Variants in SP4 observed in about 807,000 individuals in gnomAD.
The protein encoded by SP4 is transcription factor Sp4.
Under a neutral mutation model 72.8 loss-of-function variants are expected in SP4, and 19 were observed. The observed-to-expected ratio is 0.26, with a 90% CI of 0.18 to 0.38. The LOEUF is 0.38. SP4 is among the 10% of genes least tolerant of loss of function. SP4 has a pLI of 1.00. For missense variants in SP4, 1,008 were observed against 926.3 expected (o/e 1.09, Z -1.14); for synonymous variants, 395 against 333.1 (o/e 1.19, Z -2.02).
chr7:21,430,749 A>C lies in SP4; in HGVS notation c.1584A>C (p.Ala528=). 6.2e-7 allele frequency: 1 copy of C among 1,614,214 alleles called. No homozygotes were observed. Among genetic ancestry groups the C allele is most frequent in the Non-Finnish European group, 8.5e-7 (1 of 1,180,044 alleles). Residue 528 remains alanine (A), a synonymous_variant, in exon 3 of 6, where the codon GCA becomes GCC. Coordinates refer to ENST00000222584, the MANE Select transcript of SP4 (RefSeq NM_003112.5). ...APITLNTAQL[A]SVPNLQTVSV... ...TAACTTTGAATACTGCCCAGCTTGC[A>C]TCAGTGCCTAACCTTCAGACAGTGA...
In SP4 at chr7:21,489,488, A is replaced by T. The variant is rs1429759703; in HGVS notation, c.2107+7365A>T. On this transcript the variant is annotated intron_variant, in intron 5 of 5. Coordinates refer to ENST00000222584, the MANE Select transcript of SP4 (RefSeq NM_003112.5). ...AGGCCTACACCACTACACCTAGCTA[A>T]TTTTTTTTTTTTTTTAAAGGTGGGT... Among the ~76,000 whole-genome samples, 91 of 135,404 alleles carry T rather than the reference A, an allele frequency of 6.7e-4. No homozygotes were observed. In the South Asian group the frequency reaches 9.3e-3, roughly 14 times the overall value. The allele number at this position is 135,404 out of a possible 152,430, so 88.8% of individuals were successfully genotyped here. A position where few individuals can be genotyped will look rare whatever the true frequency, so the allele number is the denominator to read the frequency against.
In SP4 at chr7:21,458,929, C is replaced by T. The variant is rs142029447; in HGVS notation, c.1679-18150C>T. Among the ~76,000 whole-genome samples, 1,399 of 152,220 alleles carry T rather than the reference C, an allele frequency of 9.2e-3. 19 individuals carry two copies. Among genetic ancestry groups the T allele is most frequent in the African/African-American group, 0.032 (1,344 of 41,504 alleles). The stretch of plus-strand genomic sequence containing the variant: ...AGCCATCTATGGAGTTAGACTGATC[C>T]ATGACAGCTTAACAGTGTTGGACCA... On this transcript the variant is annotated intron_variant, in intron 3 of 5. Coordinates refer to ENST00000222584, the MANE Select transcript of SP4 (RefSeq NM_003112.5).
intron 3 of SP4, among the ~76,000 whole-genome samples, chr7:21,451,345 G>A (rs555368656): frequency 4.3e-4 from 65 of 152,258 alleles, no homozygotes; most frequent in African/African-American, 5.5e-4. Context: ...ATATTAGAGC[G>A]ACAGTTTAAC....
At chr7:21,457,506 G>A (rs1407440206) in intron 3 of SP4, among the ~76,000 whole-genome samples, 5 of 151,992 alleles carry the variant, frequency 3.3e-5, no homozygotes, top group Non-Finnish European at 5.9e-5. Context: ...TAATTATTTG[G>A]TTCCATTTTT....
At chr7:21,466,723 C>T (rs1353436732) in intron 3 of SP4, among the ~76,000 whole-genome samples, 4 of 151,916 alleles carry the variant, frequency 2.6e-5, no homozygotes, top group African/African-American at 9.7e-5. Flanking sequence ...GAAAACATGT[C>T]ATTGAAGCTC....
intron 4 of SP4, among the ~76,000 whole-genome samples, chr7:21,478,329 G>T (rs1375972651): frequency 1.3e-5 from 2 of 152,174 alleles, no homozygotes; most frequent in Admixed American, 1.3e-4. Flanking sequence ...AAACATTTGT[G>T]TAGAACTGTT....
intron 3 of SP4, among the ~76,000 whole-genome samples, chr7:21,460,906 A>T (rs1454571422): frequency 6.6e-6 from 1 of 152,094 alleles, no homozygotes; most frequent in Non-Finnish European, 1.5e-5. Context: ...CGATTGGTGC[A>T]TTCACAATCC....
At chr7:21,496,483 C>T (rs1020233718) in intron 5 of SP4, among the ~76,000 whole-genome samples, 7 of 152,136 alleles carry the variant, frequency 4.6e-5, no homozygotes, top group African/African-American at 1.7e-4. Context: ...CCCATCATTT[C>T]ATAAATAAGT....
At chr7:21,490,446 T>G (rs1281329977) in intron 5 of SP4, among the ~76,000 whole-genome samples, 1 of 152,116 alleles carries the variant, frequency 6.6e-6, no homozygotes, top group Non-Finnish European at 1.5e-5. Flanking sequence ...AACTAGAAAA[T>G]AGAGTCTGTT....
chr7:21,489,553 C>CTTTTTTTTTTTTTT (rs1193080485), intron 5 of SP4, among the ~76,000 whole-genome samples: 5 of 82,514 alleles, frequency 6.1e-5, no homozygotes, highest in Non-Finnish European at 9.2e-5. Flanking sequence ...TTTCTTTTTT[C>CTTTTTTTTTTTTTT]TTTTTTTTTT....
At chr7:21,440,878 C>CAA (rs1166647468) in intron 3 of SP4, among the ~76,000 whole-genome samples, 1 of 14,406 alleles carries the variant, frequency 6.9e-5, no homozygotes, top group Non-Finnish European at 1.1e-4. Context: ...ACAACAACAA[C>CAA]AACAACAACA....
intron 3 of SP4, among the ~76,000 whole-genome samples, chr7:21,460,337 C>T (rs1012795180): frequency 2.0e-5 from 3 of 151,744 alleles, no homozygotes. Context: ...AGCTGCAGAC[C>T]TTCGCGATGA....
chr7:21,441,317 A>G (rs1177865794), intron 3 of SP4, among the ~76,000 whole-genome samples: 1 of 152,214 alleles, frequency 6.6e-6, no homozygotes, highest in East Asian at 1.9e-4. Flanking sequence ...GCACAAAGCT[A>G]TCATGTGGAA....
At chr7:21,510,502 T>G (rs1280004670) in intron 5 of SP4, among the ~76,000 whole-genome samples, 1 of 152,180 alleles carries the variant, frequency 6.6e-6, no homozygotes, top group African/African-American at 2.4e-5. Flanking sequence ...CTTTATTAAA[T>G]TCTGAATGTA....
At chr7:21,498,895 C>A (rs929729101) in intron 5 of SP4, among the ~76,000 whole-genome samples, 3 of 151,908 alleles carry the variant, frequency 2.0e-5, no homozygotes, top group African/African-American at 7.3e-5. Context: ...ACCATCCTGG[C>A]TAACACGGTG....
chr7:21,430,037 A>G lies in SP4; in HGVS notation c.872A>G (p.Asp291Gly), dbSNP rs2128388152. ...GQVGQPAATA[D>G]SGTSNGNQLV... The stretch of plus-strand genomic sequence containing the variant: ...GTTGGCCAGCCTGCTGCTACTGCTG[A>G]TAGTGGGACTTCCAATGGGAATCAA... The change falls in exon 3 of 6, where the codon GAT becomes GGT. Residue 291 changes from aspartate (D) to glycine (G), a missense_variant. Around this residue, in one of 3 missense-constraint regions of SP4, gnomAD observed 893 missense variants for 743.3 expected, o/e 1.20. Transcript: ENST00000222584. 6.2e-7 allele frequency: 1 copy of G among 1,614,152 alleles called. No homozygotes were observed. The highest frequency in any genetic ancestry group is 1.1e-5 in the South Asian group (1 of 91,086).
chr7:21,431,040 A>G (rs1295001070), intron 3 of SP4, among the ~76,000 whole-genome samples, 197 bp downstream of exon 3: 1 of 149,100 alleles, frequency 6.7e-6, no homozygotes, highest in Admixed American at 6.6e-5. Context: ...TAGATTTTAT[A>G]ATAATGTGTT....
In SP4 at chr7:21,481,996, A is replaced by G. The variant is rs1199146285; in HGVS notation, c.1980A>G (p.Lys660=). 1.2e-6 allele frequency: 2 copies of G among 1,614,056 alleles called. No individual in the cohort carries two copies. The change falls in exon 5 of 6, where the codon AAA becomes AAG. Residue 660 remains lysine (K), a synonymous_variant. Transcript: ENST00000222584. The part of the protein sequence containing the change: ...HIEGCGKVYG[K]TSHLRAHLRW... ...AAGGATGTGGTAAAGTTTATGGCAA[A>G]ACATCTCATTTACGAGCACATCTTC...
At chr7:21,473,194 G>T (rs999819907) in intron 3 of SP4, among the ~76,000 whole-genome samples, 9 of 152,156 alleles carry the variant, frequency 5.9e-5, no homozygotes, top group Non-Finnish European at 8.8e-5. Context: ...TGATAATCTT[G>T]CTTGGAAACA....
Sources: allele counts gnomAD v4.1 joint callset (sites outside exome capture counted in the v4.1 genomes callset), GRCh38; gene constraint gnomAD v4.1.1; regional missense constraint gnomAD v4.1.1; transcripts MANE v1.5; gene names NCBI Gene and HGNC (gene_info 2026-07-23, HGNC 2026-07-21).